Variants in SGCD observed in about 807,000 individuals in gnomAD.
SGCD encodes sarcoglycan delta, also known as delta-sarcoglycan.
In SGCD, 18 loss-of-function variants were observed where a neutral mutation model predicts 36.6. That is an observed-to-expected ratio of 0.49 (90% CI 0.34 to 0.73). SGCD has a LOEUF of 0.73. Among genes scored for constraint, SGCD ranks in the 30% least tolerant of loss-of-function variants. SGCD has a pLI of 0.01. For synonymous variants in SGCD, 133 were observed against 130.6 expected (o/e 1.02, Z -0.12); for missense variants, 387 against 346.7 (o/e 1.12, Z -0.92).
At chr5:156,747,154 T>C (rs1210756911) in intron 7 of SGCD, among the ~76,000 whole-genome samples, 2 of 152,106 alleles carry the variant, frequency 1.3e-5, no homozygotes, top group Non-Finnish European at 2.9e-5. Context: ...CATAATAAAG[T>C]ACTATTATGT....
chr5:156,649,771 T>C (rs1763387931), intron 7 of SGCD, among the ~76,000 whole-genome samples: 3 of 151,788 alleles, frequency 2.0e-5, no homozygotes, highest in Non-Finnish European at 2.9e-5. Context: ...AAATGACGAG[T>C]TAATGGGTGC....
At chr5:155,836,466 A>ACCCC in the SGCD span, among the ~76,000 whole-genome samples, 2 of 89,282 alleles carry the variant, frequency 2.2e-5, no homozygotes, top group African/African-American at 1.3e-4. Flanking sequence ...TACCTCTGAT[A>ACCCC]CCCACCCCCG....
chr5:156,597,709 G>A (rs1760987286), intron 6 of SGCD, among the ~76,000 whole-genome samples: 1 of 151,880 alleles, frequency 6.6e-6, no homozygotes, highest in African/African-American at 2.4e-5. Flanking sequence ...TGTCCTCTGG[G>A]GACTGCTTAT....
intron 1 of SGCD, among the ~76,000 whole-genome samples, chr5:155,906,717 G>A (rs1175072866): frequency 1.3e-5 from 2 of 152,066 alleles, no homozygotes; most frequent in Admixed American, 6.6e-5. Context: ...TTACAAGCTA[G>A]CAGATGTTGG....
chr5:156,345,506 A>G (rs1768897660), intron 3 of SGCD, among the ~76,000 whole-genome samples: 1 of 152,208 alleles, frequency 6.6e-6, no homozygotes, highest in Non-Finnish European at 1.5e-5. Flanking sequence ...TCTGATGTCA[A>G]AAGTGAGTAA....
intron 6 of SGCD, among the ~76,000 whole-genome samples, chr5:156,609,534 C>G (rs952675803): frequency 1.3e-5 from 2 of 152,132 alleles, no homozygotes; most frequent in South Asian, 2.1e-4. Context: ...TGGAGTTGCT[C>G]CTCTCGAGGA....
In SGCD at chr5:156,444,064, T is replaced by TTCTCTCTC. The variant is rs535098783; in HGVS notation, c.193-64492_193-64485dup. On this transcript the variant is annotated intron_variant, in intron 3 of 8. Coordinates refer to ENST00000337851, the MANE Select transcript of SGCD (RefSeq NM_000337.6). ...CACGCTTTGGAGACTCTTTCTCTCC[T>TTCTCTCTC]TCTCTCTCTCTCTCTCTCTCTCTCT... Among the ~76,000 whole-genome samples the TTCTCTCTC allele has an allele frequency of 5.7e-3, 196 of 34,476 alleles. 15 individuals carry two copies. The highest frequency in any genetic ancestry group is 0.015 in the African/African-American group (143 of 9,828). The allele number at this position is 34,476 out of a possible 152,430, so 22.6% of individuals were successfully genotyped here. A position where few individuals can be genotyped will look rare whatever the true frequency, so the allele number is the denominator to read the frequency against.
At chr5:156,138,929 C>A (rs1762517263) in intron 3 of SGCD, among the ~76,000 whole-genome samples, 1 of 152,298 alleles carries the variant, frequency 6.6e-6, no homozygotes, top group South Asian at 2.1e-4. Context: ...TCCCTGTTGG[C>A]TAATAATGTT....
rs147323139 is a variant in SGCD, at chr5:156,736,407, T to C, written c.576-21174T>C. ...AAATAACTCACAAATGATAAACTAT[T>C]ATTTTTCATTAAATAGGGATATTGT... On this transcript the variant is annotated intron_variant, in intron 7 of 8. Transcript: ENST00000337851. 6.8e-3 allele frequency among the ~76,000 whole-genome samples: 1,030 copies of C among 152,346 alleles called. 5 individuals carry two copies. Among genetic ancestry groups the C allele is most frequent in the Non-Finnish European group, 0.012 (785 of 68,030 alleles).
At chr5:155,919,762 A>G (rs529949952) in intron 1 of SGCD, among the ~76,000 whole-genome samples, 3 of 151,934 alleles carry the variant, frequency 2.0e-5, no homozygotes, top group African/African-American at 7.2e-5. Flanking sequence ...TCACCCTTTG[A>G]TTCATTTCTT....
chr5:156,328,233 C>T (rs1293215801), intron 1 of SGCD, among the ~76,000 whole-genome samples: 1 of 152,208 alleles, frequency 6.6e-6, no homozygotes, highest in Non-Finnish European at 1.5e-5. Flanking sequence ...TTAGAAAACA[C>T]ACAGTACAAT....
At chr5:155,811,052 C>T in the SGCD span, among the ~76,000 whole-genome samples, 2 of 151,460 alleles carry the variant, frequency 1.3e-5, no homozygotes, top group South Asian at 4.2e-4. Flanking sequence ...CTCCTGACCT[C>T]GTGATCCGCC....
intron 1 of SGCD, among the ~76,000 whole-genome samples, chr5:155,931,989 C>G (rs917879081): frequency 9.8e-5 from 15 of 152,294 alleles, no homozygotes; most frequent in Middle Eastern, 3.4e-3. Flanking sequence ...TGAAGATTCT[C>G]TCCCTGGCCT....
At chr5:156,354,190 G>A (rs1297437231) in intron 3 of SGCD, among the ~76,000 whole-genome samples, 2 of 152,306 alleles carry the variant, frequency 1.3e-5, no homozygotes, top group East Asian at 1.9e-4. Flanking sequence ...GAATAAATTA[G>A]CTAAAGTTAG....
upstream of SGCD, among the ~76,000 whole-genome samples, chr5:156,324,183 G>C (rs1767745278): frequency 6.6e-6 from 1 of 152,182 alleles, no homozygotes. Context: ...TTATAGGTTT[G>C]TTAACAAAGG....
chr5:156,501,190 C>A (rs999857805), intron 3 of SGCD, among the ~76,000 whole-genome samples: 10 of 152,186 alleles, frequency 6.6e-5, no homozygotes, highest in African/African-American at 2.4e-4. Context: ...CCCACCCATC[C>A]CAGTGGGAGA....
chr5:156,249,033 A>AGAACTCAATTTAGTGT, intron 3 of SGCD, among the ~76,000 whole-genome samples: 1 of 152,300 alleles, frequency 6.6e-6, no homozygotes, highest in Non-Finnish European at 1.5e-5. Context: ...TTCTGAGGTA[A>AGAACTCAATTTAGTGT]CTTTGAGACA....
rs6870412 is a variant in SGCD, at chr5:156,310,629, G to A, written c.-43-18905G>A. On this transcript the variant is annotated intron_variant, in intron 3 of 9. Transcript: ENST00000517913. ...GGCAGATTCTTTCAGTGAAATTATT[G>A]TCTAGTTGAGGAGAAAGATTTCTGG... Among the ~76,000 whole-genome samples, 1,384 of 152,276 alleles carry A rather than the reference G, an allele frequency of 9.1e-3. 15 individuals carry two copies. Among genetic ancestry groups the A allele is most frequent in the African/African-American group, 0.03 (1,257 of 41,558 alleles).
chr5:156,555,615 A>G (rs1349642669), intron 4 of SGCD, among the ~76,000 whole-genome samples: 1 of 149,060 alleles, frequency 6.7e-6, no homozygotes, highest in Non-Finnish European at 1.5e-5. Flanking sequence ...TGCTTTCATT[A>G]TTATATCTTT....
Sources: gnomAD v4.1 joint callset for allele counts (sites outside exome capture counted in the v4.1 genomes callset) on GRCh38, gnomAD v4.1.1 for gene constraint, MANE v1.5 for transcripts, NCBI Gene and HGNC (gene_info 2026-07-23, HGNC 2026-07-21) for gene names.